MPDZ: variants seen among roughly 807,000 people sequenced by gnomAD.
The protein encoded by MPDZ is multiple PDZ domain protein.
A neutral mutation model predicts 239.1 loss-of-function variants in MPDZ; 234 were observed. That is an observed-to-expected ratio of 0.98 (90% CI 0.88 to 1.09). The LOEUF (loss-of-function observed/expected upper bound fraction) is 1.09, where lower values mean the gene tolerates loss of function less well. Among genes scored for constraint, MPDZ ranks in the 50% least tolerant of loss-of-function variants. The pLI, the probability that MPDZ is intolerant of heterozygous loss-of-function variation, is 0.00. For missense variants in MPDZ, 3,175 were observed against 2,510.0 expected (o/e 1.26, Z -5.66); for synonymous variants, 1,048 against 881.3 (o/e 1.19, Z -3.35).
rs200891478 is a variant in MPDZ, at chr9:13,136,784, T to C, written c.4220A>G (p.Tyr1407Cys). 6,428 of 1,597,994 alleles carry C rather than the reference T, an allele frequency of 4.0e-3. 13 individuals are homozygous for C. Among genetic ancestry groups the C allele is most frequent in the Non-Finnish European group, 5.0e-3 (5,844 of 1,170,136 alleles). ...TGAGGCATTCTGATGACTTCTTCCA[T>C]ATAAAATCTGACCATTGATCTGTGA... Reference protein sequence around the residue: ...ELLEINGQILYGRSHQNASSI... With the variant: ...ELLEINGQILCGRSHQNASSI... Residue 1407 changes from tyrosine to cysteine, a missense_variant, in exon 30 of 47, where the codon TAT becomes TGT. By Grantham distance (194) the Tyr-to-Cys change is radical. Coordinates refer to ENST00000319217, the MANE Select transcript of MPDZ (RefSeq NM_001378778.1).
chr9:13,129,215 C>T (rs1343963406), intron 32 of MPDZ, among the ~76,000 whole-genome samples: 1 of 152,142 alleles, frequency 6.6e-6, no homozygotes, highest in Admixed American at 6.5e-5. Flanking sequence ...GTAATCCCAG[C>T]ACTTTGGGAG....
In MPDZ at chr9:13,192,142, G is replaced by A. The variant is rs2135061346; in HGVS notation, c.1957C>T (p.Leu653=). 1 of 1,601,020 alleles carries A rather than the reference G, an allele frequency of 6.2e-7. No individual in the cohort carries two copies. Among genetic ancestry groups the A allele is most frequent in the African/African-American group, 1.3e-5 (1 of 74,812 alleles). The change falls in exon 15 of 47, where the codon CTA becomes TTA. Residue 653 remains leucine (L), a synonymous_variant. Coordinates refer to ENST00000319217, the MANE Select transcript of MPDZ (RefSeq NM_001378778.1). ...LDSLDLCDIE[L]TEKPHVDLGE... is the part of the protein sequence containing the mutation. Reference sequence around the variant, plus strand: ...TGCAAATCTGATACCTTTTCTGTTAGCTCAATATCACATAAGTCCAGGCTA... The same window carrying A: ...TGCAAATCTGATACCTTTTCTGTTAACTCAATATCACATAAGTCCAGGCTA...
intron 17 of MPDZ, among the ~76,000 whole-genome samples, chr9:13,187,106 G>A (rs1362071723): frequency 6.6e-6 from 1 of 152,040 alleles, no homozygotes; most frequent in Admixed American, 6.6e-5. Flanking sequence ...ACATCACCTG[G>A]CATCAGCAAA....
chr9:13,223,219 C>T (rs189427902), intron 5 of MPDZ, among the ~76,000 whole-genome samples: 16 of 151,952 alleles, frequency 1.1e-4, no homozygotes, highest in African/African-American at 2.2e-4. Context: ...TAAATTATTG[C>T]TCTGGGTACA....
intron 32 of MPDZ, among the ~76,000 whole-genome samples, chr9:13,132,443 C>T (rs367609096): frequency 2.0e-5 from 3 of 152,082 alleles, no homozygotes; most frequent in South Asian, 2.1e-4. Context: ...TGGAAATGAA[C>T]GTCCTTGGGA....
At chr9:13,198,518 T>C (rs1357251057) in intron 12 of MPDZ, among the ~76,000 whole-genome samples, 2 of 151,990 alleles carry the variant, frequency 1.3e-5, no homozygotes, top group East Asian at 3.9e-4. Flanking sequence ...CTTGAACATA[T>C]TTTCTCTCAT....
intron 5 of MPDZ, 106 bp from the exon 6 acceptor site, chr9:13,222,552 C>T: frequency 1.1e-6 from 1 of 885,564 alleles, no homozygotes; most frequent in East Asian, 2.5e-5. Context: ...ATTTTTAATT[C>T]CCACACTCTA....
Position 13,188,972 on chromosome 9 carries a change from T to G in MPDZ, c.2176A>C (p.Thr726Pro), listed in dbSNP as rs766976016. The G allele has an allele frequency of 1.4e-4, 225 of 1,613,002 alleles. No individual in the cohort carries two copies. The highest frequency in any genetic ancestry group is 1.2e-3 in the Middle Eastern group (7 of 6,074). ...DYQDPIDPAS[T>P]VIIIRSLVPG... Reference sequence around the variant, plus strand: ...ACCAAAGAACGAATTATAATCACAGTGCTTGCTGGATCAATTGGATCCTGA... The same window carrying G: ...ACCAAAGAACGAATTATAATCACAGGGCTTGCTGGATCAATTGGATCCTGA... Residue 726 changes from threonine (T) to proline (P), a missense_variant, in exon 17 of 47, where the codon ACT (threonine) becomes CCT (proline). By Grantham distance (38) the Thr-to-Pro change is conservative (BLOSUM62 -1). Transcript: ENST00000319217.
intron 3 of MPDZ, among the ~76,000 whole-genome samples, chr9:13,227,510 T>C (rs1191206328): frequency 3.3e-5 from 5 of 152,064 alleles, no homozygotes; most frequent in Admixed American, 6.6e-5. Flanking sequence ...CTAATGGCTA[T>C]GGTATGTTTG....
At chr9:13,234,739 C>G (rs1382022959) in intron 3 of MPDZ, among the ~76,000 whole-genome samples, 1 of 152,000 alleles carries the variant, frequency 6.6e-6, no homozygotes, top group African/African-American at 2.4e-5. Flanking sequence ...TTTGCTACAC[C>G]TTATTGTAAT....
intron 3 of MPDZ, among the ~76,000 whole-genome samples, chr9:13,229,732 G>C (rs566314780): frequency 7.9e-5 from 12 of 152,022 alleles, no homozygotes; most frequent in African/African-American, 2.9e-4. Flanking sequence ...ACAAAAAGGA[G>C]TTTAAAAATG....
chr9:13,203,341 C>T (rs887604030), intron 12 of MPDZ, among the ~76,000 whole-genome samples: 1 of 152,116 alleles, frequency 6.6e-6, no homozygotes, highest in African/African-American at 2.4e-5. Context: ...CACAGCTAGA[C>T]AGTGATTTAA....
intron 8 of MPDZ, 109 bp from the exon 9 acceptor site, chr9:13,217,403 C>T (rs1221525636): frequency 1.5e-6 from 1 of 671,152 alleles, no homozygotes; most frequent in Non-Finnish European, 2.5e-6. Context: ...CACAGGCCTA[C>T]TTTAATTCTC....
At chr9:13,136,320 G>GTT (rs1444109820) in intron 30 of MPDZ, 138 bp from the exon 31 acceptor site, 66 of 194,574 alleles carry the variant, frequency 3.4e-4, no homozygotes, top group South Asian at 1.6e-3. Flanking sequence ...ATTTACAAAC[G>GTT]TTTTCTTTTT....
chr9:13,205,113 A>G lies in MPDZ; in HGVS notation c.1475-6T>C. On this transcript the variant is annotated splice_polypyrimidine_tract_variant and splice_region_variant and intron_variant, in intron 11 of 46. Coordinates refer to ENST00000319217, the MANE Select transcript of MPDZ (RefSeq NM_001378778.1). ...TTCATCTTTTTCATAATTTTCTTAA[A>G]GATAAAAATATTTTAGTAATTTTAT... 1.5e-6 allele frequency: 2 copies of G among 1,358,136 alleles called. No homozygotes were observed. Among genetic ancestry groups the G allele is most frequent in the Non-Finnish European group, 9.8e-7 (1 of 1,023,996 alleles). 84.1% of individuals were successfully genotyped at this position (1,358,136 alleles called of 1,614,324 possible).
chr9:13,160,617 C>T (rs1950342900), intron 23 of MPDZ, among the ~76,000 whole-genome samples: 1 of 151,332 alleles, frequency 6.6e-6, no homozygotes. Flanking sequence ...AAACTATAAC[C>T]AACTCATGCC....
At chr9:13,116,394 C>CA (rs1484445477) in intron 39 of MPDZ, among the ~76,000 whole-genome samples, 1 of 152,120 alleles carries the variant, frequency 6.6e-6, no homozygotes, top group African/African-American at 2.4e-5. Context: ...ATGCTTATGA[C>CA]AGTGTCTAGA....
In MPDZ at chr9:13,247,682, T is replaced by C; in HGVS notation, c.136A>G (p.Ser46Gly). The C allele has an allele frequency of 6.2e-7, 1 of 1,613,644 alleles. No homozygotes were observed. Among genetic ancestry groups the C allele is most frequent in the Non-Finnish European group, 8.5e-7 (1 of 1,179,648 alleles). ...GAAGTCTGAAGGCTCAGAATCTGACTGAAGAGAGGGCTCTGCAGGACTGAC... is the reference window on the plus strand; with the variant it reads ...GAAGTCTGAAGGCTCAGAATCTGACCGAAGAGAGGGCTCTGCAGGACTGAC... ...LKSVLQSPLF[S>G]QILSLQTSVQ... Residue 46 changes from serine (S) to glycine (G), a missense_variant, in exon 3 of 47, where the codon AGT becomes GGT. Physicochemically the swap from Ser to Gly is moderately conservative, Grantham distance 56 (BLOSUM62 0). Coordinates refer to ENST00000319217, the MANE Select transcript of MPDZ (RefSeq NM_001378778.1).
At chr9:13,245,039 A>T (rs991667097) in intron 3 of MPDZ, among the ~76,000 whole-genome samples, 2 of 152,160 alleles carry the variant, frequency 1.3e-5, no homozygotes, top group Non-Finnish European at 2.9e-5. Flanking sequence ...CAGGTAAGGT[A>T]TGAGGTAATA....
Sources: gnomAD v4.1 joint callset for allele counts (sites outside exome capture counted in the v4.1 genomes callset) on GRCh38, gnomAD v4.1.1 for gene constraint, MANE v1.5 for transcripts, NCBI Gene and HGNC (gene_info 2026-07-23, HGNC 2026-07-21) for gene names.